The following FRMD4B variants were observed in gnomAD, a reference collection of about 807,000 sequenced individuals.
The protein encoded by FRMD4B is FERM domain-containing protein 4B.
Under a neutral mutation model 141.5 loss-of-function variants are expected in FRMD4B, and 74 were observed. That is an observed-to-expected ratio of 0.52 (90% CI 0.43 to 0.63). FRMD4B has a LOEUF of 0.63. FRMD4B is among the 30% of genes least tolerant of loss of function. The pLI is 0.00. For missense variants in FRMD4B, 1,366 were observed against 1,253.4 expected (o/e 1.09, Z -1.36); for synonymous variants, 506 against 467.9 (o/e 1.08, Z -1.05).
intron 2 of FRMD4B, among the ~76,000 whole-genome samples, chr3:69,422,818 T>C (rs1705004740): frequency 6.6e-6 from 1 of 152,204 alleles, no homozygotes; most frequent in African/African-American, 2.4e-5. Flanking sequence ...AAAACATTCT[T>C]AGCTCAGGAC....
At chr3:69,478,241 T>C (rs1275874731) in intron 1 of FRMD4B, among the ~76,000 whole-genome samples, 2 of 152,182 alleles carry the variant, frequency 1.3e-5, no homozygotes, top group Admixed American at 6.5e-5. Context: ...TCTTGCCTTC[T>C]GCTAGCTTTT....
chr3:69,476,053 TG>T (rs1481089252), intron 1 of FRMD4B, among the ~76,000 whole-genome samples: 156 of 151,566 alleles, frequency 1.0e-3, no homozygotes, highest in African/African-American at 3.6e-3. Context: ...TTGATGGGGT[TG>T]TTTTTTTCTT....
In FRMD4B at chr3:69,235,150, AAATAATAATAATAATAATAATAATAAT is replaced by A. The variant is rs55995422; in HGVS notation, c.582-10487_582-10461del. 2.8e-3 allele frequency among the ~76,000 whole-genome samples: 378 copies of A among 134,112 alleles called. 1 individual carries two copies. Among genetic ancestry groups the A allele is most frequent in the African/African-American group, 0.01 (369 of 36,380 alleles). The allele number at this position is 134,112 out of a possible 152,430, so 88.0% of individuals were successfully genotyped here. A position where few individuals can be genotyped will look rare whatever the true frequency, so the allele number is the denominator to read the frequency against. ...GGGTGACAGAGCGAGACCCTGTCTCAAATAATAATAATAATAATAATAATAATAATAATAATAATAATAATAATATTT... is the reference window on the plus strand; with the variant it reads ...GGGTGACAGAGCGAGACCCTGTCTCAAATAATAATAATAATAATAATATTT... On this transcript the variant is annotated intron_variant, in intron 7 of 22. Coordinates refer to ENST00000398540, the MANE Select transcript of FRMD4B (RefSeq NM_015123.3).
At position 69,210,257 on chromosome 3, in the gene FRMD4B, C is replaced by G. The variant is rs112292420; in HGVS notation, c.876+6006G>C. ...TTTTATCTCTGCCATCTGACAGGCT[C>G]TGGTTTTCCAGGGGAAGTATTTGCC... On this transcript the variant is annotated intron_variant, in intron 11 of 22. Coordinates refer to ENST00000398540, the MANE Select transcript of FRMD4B (RefSeq NM_015123.3). Among the ~76,000 whole-genome samples the G allele has an allele frequency of 3.6e-3, 551 of 152,338 alleles. 7 individuals carry two copies. The South Asian group carries it at 0.037, about 10-fold the overall frequency.
intron 1 of FRMD4B, among the ~76,000 whole-genome samples, chr3:69,377,752 A>G (rs555858657): frequency 1.8e-4 from 27 of 152,106 alleles, no homozygotes; most frequent in Admixed American, 1.8e-3. Context: ...GGTCAGCTGC[A>G]GTTTTTGTTG....
At chr3:69,258,933 T>C (rs1246888056) in intron 5 of FRMD4B, among the ~76,000 whole-genome samples, 1 of 152,208 alleles carries the variant, frequency 6.6e-6, no homozygotes, top group Non-Finnish European at 1.5e-5. Context: ...TCAGCCTTTT[T>C]GGCACCAGGG....
intron 1 of FRMD4B, among the ~76,000 whole-genome samples, chr3:69,316,898 G>C (rs1701818869): frequency 6.6e-6 from 1 of 152,210 alleles, no homozygotes; most frequent in Non-Finnish European, 1.5e-5. Flanking sequence ...AAGGCTGGTG[G>C]ATGACCTGAG....
Position 69,411,824 on chromosome 3 carries a change from G to A in FRMD4B, c.-1+20810C>T, listed in dbSNP as rs569408545. Among the ~76,000 whole-genome samples the A allele has an allele frequency of 2.6e-5, 4 of 152,254 alleles. No homozygotes were observed. The South Asian group carries it at 8.3e-4, about 32-fold the overall frequency. ...CTTCTTAAAGTGGAAGATTTCCGAGGTCCTTGCTTTTGAACAATTATCTAT... is the reference window on the plus strand; with the variant it reads ...CTTCTTAAAGTGGAAGATTTCCGAGATCCTTGCTTTTGAACAATTATCTAT... On this transcript the variant is annotated intron_variant, in intron 2 of 5. Transcript: ENST00000459638.
chr3:69,222,697 G>A (rs2093208242), intron 8 of FRMD4B, among the ~76,000 whole-genome samples: 1 of 152,272 alleles, frequency 6.6e-6, no homozygotes, highest in South Asian at 2.1e-4. Context: ...CTTGAACCCA[G>A]GAGGTGGAGG....
chr3:69,491,151 A>G (rs1706295600), intron 1 of FRMD4B, among the ~76,000 whole-genome samples: 2 of 152,232 alleles, frequency 1.3e-5, no homozygotes, highest in Admixed American at 1.3e-4. Context: ...AAGGAAAATC[A>G]AAGCGGAGTC....
At chr3:69,444,371 C>T (rs1705383089) in intron 1 of FRMD4B, among the ~76,000 whole-genome samples, 1 of 152,130 alleles carries the variant, frequency 6.6e-6, no homozygotes, top group Non-Finnish European at 1.5e-5. Context: ...CAAAATTGAA[C>T]TGAATTGAAT....
At chr3:69,200,630 C>T in intron 11 of FRMD4B, 1 of 1,218,376 alleles carries the variant, frequency 8.2e-7, no homozygotes, top group Non-Finnish European at 1.0e-6. Context: ...CTACTCCTTC[C>T]TCCCATCAGG....
At chr3:69,197,209 C>G (rs755614690) in intron 12 of FRMD4B, among the ~76,000 whole-genome samples, 171 bp from the exon 13 acceptor site, 1 of 152,166 alleles carries the variant, frequency 6.6e-6, no homozygotes, top group South Asian at 2.1e-4. Flanking sequence ...TACAACAAAA[C>G]AATTCAGACC....
intron 2 of FRMD4B, among the ~76,000 whole-genome samples, chr3:69,407,820 G>A (rs1704674924): frequency 6.6e-6 from 1 of 152,298 alleles, no homozygotes; most frequent in Admixed American, 6.5e-5. Context: ...TCATTGAGAG[G>A]GAAATGAGGG....
chr3:69,334,809 T>C (rs1575740813), intron 1 of FRMD4B, among the ~76,000 whole-genome samples: 1 of 152,212 alleles, frequency 6.6e-6, no homozygotes, highest in Non-Finnish European at 1.5e-5. Flanking sequence ...GACTTTATAA[T>C]AGGCTCTGGG....
chr3:69,306,605 C>A (rs553440259), intron 3 of FRMD4B: 1 of 152,264 alleles, frequency 6.6e-6, no homozygotes, highest in African/African-American at 2.4e-5. Flanking sequence ...CCCTAACAAG[C>A]GTAATCTCAG....
At chr3:69,298,911 T>C (rs1356943826) in intron 4 of FRMD4B, among the ~76,000 whole-genome samples, 3 of 152,128 alleles carry the variant, frequency 2.0e-5, no homozygotes, top group African/African-American at 7.2e-5. Flanking sequence ...GGCTGTGTGC[T>C]TTATGGCTGC....
chr3:69,542,224 C>T (rs1701198568), exon 1 of FRMD4B: 1 of 152,148 alleles, frequency 6.6e-6, no homozygotes, highest in African/African-American at 2.4e-5. Context: ...CCACCTCCTC[C>T]CTGCGGCGCT....
At chr3:69,331,736 C>T (rs1334884817) in intron 1 of FRMD4B, among the ~76,000 whole-genome samples, 1 of 152,070 alleles carries the variant, frequency 6.6e-6, no homozygotes, top group Non-Finnish European at 1.5e-5. Flanking sequence ...TGGCAGAGGA[C>T]ACACTCTATA....
Sources: gnomAD v4.1 joint callset for allele counts (sites outside exome capture counted in the v4.1 genomes callset) on GRCh38, gnomAD v4.1.1 for gene constraint, MANE v1.5 for transcripts, NCBI Gene and HGNC (gene_info 2026-07-23, HGNC 2026-07-21) for gene names.